The following EIF2AK2 variants were observed in gnomAD, a reference collection of about 807,000 sequenced individuals.
EIF2AK2 encodes the protein interferon-induced, double-stranded RNA-activated protein kinase.
EIF2AK2 carries 40 observed loss-of-function variants against 70.5 expected under a neutral mutation model. The observed-to-expected ratio is 0.57, with a 90% CI of 0.44 to 0.74. EIF2AK2 has a LOEUF of 0.74. Among genes scored for constraint, EIF2AK2 ranks in the 30% least tolerant of loss-of-function variants. The pLI is 0.00. For synonymous variants in EIF2AK2, 198 were observed against 220.9 expected (o/e 0.90, Z 0.92); for missense variants, 555 against 644.3 (o/e 0.86, Z 1.50).
At chr2:37,130,841 C>G (rs1325090478) in intron 10 of EIF2AK2, among the ~76,000 whole-genome samples, 1 of 152,192 alleles carries the variant, frequency 6.6e-6, no homozygotes, top group Non-Finnish European at 1.5e-5. Context: ...TGCAGCCCCT[C>G]TCTAGAACAC....
intron 10 of EIF2AK2, among the ~76,000 whole-genome samples, chr2:37,130,179 G>T (rs1282612365): frequency 6.6e-6 from 1 of 152,110 alleles, no homozygotes; most frequent in Non-Finnish European, 1.5e-5. Flanking sequence ...TTGGCTCACT[G>T]CAACTCCTGC....
intron 10 of EIF2AK2, among the ~76,000 whole-genome samples, chr2:37,133,105 C>G (rs1390232960): frequency 1.3e-5 from 2 of 152,114 alleles, no homozygotes; most frequent in Admixed American, 1.3e-4. Flanking sequence ...CAACCCCAGT[C>G]TTCAGGAAAG....
At chr2:37,109,138 TGAAG>T in intron 15 of EIF2AK2, 52 bp downstream of exon 15, 1 of 1,527,810 alleles carries the variant, frequency 6.5e-7, no homozygotes, top group South Asian at 1.1e-5. Flanking sequence ...AGCAGCACTC[TGAAG>T]GTGGTAGTCA....
chr2:37,145,019 G>T (rs1179805015), intron 4 of EIF2AK2, among the ~76,000 whole-genome samples: 1 of 150,400 alleles, frequency 6.6e-6, no homozygotes, highest in Non-Finnish European at 1.5e-5. Context: ...TTACAACAAA[G>T]TTTAAAAGTT....
intron 15 of EIF2AK2, among the ~76,000 whole-genome samples, chr2:37,107,754 C>G (rs1263478334): frequency 6.6e-6 from 1 of 152,124 alleles, no homozygotes; most frequent in Non-Finnish European, 1.5e-5. Context: ...TACAATCTCC[C>G]TTCATGCATT....
chr2:37,125,897 T>C (rs575907225), intron 11 of EIF2AK2, among the ~76,000 whole-genome samples: 1 of 152,346 alleles, frequency 6.6e-6, no homozygotes, highest in Non-Finnish European at 1.5e-5. Flanking sequence ...TGGATCTTAG[T>C]TTCCTCATCT....
At chr2:37,149,169 T>C (rs981270348) in intron 1 of EIF2AK2, 146 bp from the exon 2 acceptor site, 36 of 1,024,542 alleles carry the variant, frequency 3.5e-5, no homozygotes, top group Non-Finnish European at 4.7e-5. Context: ...GAAGATTGTT[T>C]AGGATGTTTC....
chr2:37,138,725 T>C, intron 6 of EIF2AK2, 140 bp from the exon 7 acceptor site: 1 of 695,712 alleles, frequency 1.4e-6, no homozygotes. Context: ...ATTAATAACA[T>C]TTTTTGGATG....
At chr2:37,137,819 A>G (rs4648191) in intron 8 of EIF2AK2, among the ~76,000 whole-genome samples, 4,498 of 152,246 alleles carry the variant, frequency 0.03, 98 homozygotes, top group Middle Eastern at 0.054. Flanking sequence ...AAAAAAAGTC[A>G]AAAAGCTGCC....
At chr2:37,126,456 C>A (rs780354946) in intron 10 of EIF2AK2, 45 bp from the exon 11 acceptor site, 1 of 1,581,706 alleles carries the variant, frequency 6.3e-7, no homozygotes, top group African/African-American at 1.4e-5. Flanking sequence ...CATGCTCAAC[C>A]CCCACCCCCC....
chr2:37,129,996 T>C (rs1674883894), intron 10 of EIF2AK2, among the ~76,000 whole-genome samples: 1 of 152,206 alleles, frequency 6.6e-6, no homozygotes, highest in South Asian at 2.1e-4. Context: ...CCAATTCAAA[T>C]TTCAATGAAG....
At position 37,119,950 on chromosome 2, in the gene EIF2AK2, T is replaced by G; in HGVS notation, c.1248+9A>C. On this transcript the variant is annotated intron_variant, in intron 13 of 16. Transcript: ENST00000233057. Reference sequence around the variant, plus strand: ...ATATATCAATTAATAAAGTACATTTTCCACTTACCTTAAGATCTCTATGAA... The same window carrying G: ...ATATATCAATTAATAAAGTACATTTGCCACTTACCTTAAGATCTCTATGAA... 1.5e-6 allele frequency: 2 copies of G among 1,359,014 alleles called. No homozygotes were observed. Among genetic ancestry groups the G allele is most frequent in the Non-Finnish European group, 1.9e-6 (2 of 1,031,532 alleles). 84.2% of individuals were successfully genotyped at this position (1,359,014 alleles called of 1,614,324 possible).
intron 13 of EIF2AK2, 38 bp downstream of exon 13, chr2:37,119,919 TTA>T (rs4648217): frequency 5.1e-5 from 56 of 1,100,918 alleles, no homozygotes; most frequent in East Asian, 4.1e-4. Flanking sequence ...AATTACTATA[TTA>T]TATATATATC....
rs1426260829 is a variant in EIF2AK2, at chr2:37,101,008, G to C, written c.*6265C>G. The C allele has an allele frequency of 2.0e-5, 3 of 152,180 alleles. No individual in the cohort carries two copies. In the East Asian group the frequency reaches 5.8e-4, roughly 29 times the overall value. The allele number at this position is 152,180 out of a possible 1,614,324, so 9.4% of individuals were successfully genotyped here. A position where few individuals can be genotyped will look rare whatever the true frequency, so the allele number is the denominator to read the frequency against. On this transcript the variant is annotated 3_prime_UTR_variant, in exon 17 of 17. Coordinates refer to ENST00000233057, the MANE Select transcript of EIF2AK2 (RefSeq NM_001135651.3). ...TGCTACTAACCTTCTAACAAACTTG[G>C]AGGTAATCTTTGATGCTTACCTTTC...
intron 10 of EIF2AK2, among the ~76,000 whole-genome samples, chr2:37,134,820 T>C (rs1675068012): frequency 6.6e-6 from 1 of 152,228 alleles, no homozygotes; most frequent in South Asian, 2.1e-4. Flanking sequence ...CTGGAACCTG[T>C]ACCCTAGTTT....
chr2:37,122,426 G>T, intron 12 of EIF2AK2, 80 bp downstream of exon 12: 2 of 1,411,196 alleles, frequency 1.4e-6, no homozygotes, highest in Non-Finnish European at 9.7e-7. Flanking sequence ...ATGATTAATA[G>T]CCTTATCCAG....
intron 8 of EIF2AK2, among the ~76,000 whole-genome samples, chr2:37,137,737 T>C (rs1263686922): frequency 6.6e-6 from 1 of 152,146 alleles, no homozygotes; most frequent in Non-Finnish European, 1.5e-5. Context: ...CATAGGAATA[T>C]ACTAAAATAT....
intron 4 of EIF2AK2, among the ~76,000 whole-genome samples, chr2:37,142,530 T>C (rs1441220291): frequency 6.6e-6 from 1 of 152,082 alleles, no homozygotes; most frequent in African/African-American, 2.4e-5. Context: ...ATTTCAACCA[T>C]TGTTATTTTC....
intron 12 of EIF2AK2, among the ~76,000 whole-genome samples, chr2:37,121,262 CAAAAA>C (rs70949733): frequency 1.4e-5 from 1 of 72,728 alleles, no homozygotes; most frequent in Non-Finnish European, 2.3e-5. Flanking sequence ...GACACCGTCT[CAAAAA>C]AAAAAAAAAA....
Sources: allele counts gnomAD v4.1 joint callset (sites outside exome capture counted in the v4.1 genomes callset), GRCh38; gene constraint gnomAD v4.1.1; transcripts MANE v1.5; gene names NCBI Gene and HGNC (gene_info 2026-07-23, HGNC 2026-07-21).